The following GSE1 variants were observed in gnomAD, a reference collection of about 807,000 sequenced individuals.
GSE1 encodes Gse1 coiled-coil protein, also known as genetic suppressor element 1.
GSE1 carries 32 observed loss-of-function variants against 112.6 expected under a neutral mutation model. The ratio of observed to expected loss-of-function variants is 0.28; its 90% CI spans 0.21 to 0.38. The LOEUF is 0.38. Ranked by LOEUF, GSE1 falls within the 10% of genes least tolerant of loss-of-function variation. GSE1 has a pLI of 1.00. For synonymous variants in GSE1, 1,115 were observed against 735.6 expected, an observed-to-expected ratio of 1.52 and a Z score of -8.35; for missense variants, 2,348 against 1,699.2, an observed-to-expected ratio of 1.38 and a Z score of -6.71.
chr16:85,185,112 C>G (rs1368135741), intron 1 of GSE1: 2 of 152,232 alleles, frequency 1.3e-5, no homozygotes, highest in Non-Finnish European at 2.9e-5. Flanking sequence ...GTTGTTTTGT[C>G]TTTCAGATGA....
intron 2 of GSE1, among the ~76,000 whole-genome samples, chr16:85,496,327 G>A (rs1476890511): frequency 2.6e-5 from 4 of 152,094 alleles, no homozygotes; most frequent in Admixed American, 6.5e-5. Flanking sequence ...TTTATGCTGC[G>A]TGAGCGATGG....
chr16:85,546,551 T>C (rs1184684869), intron 2 of GSE1, among the ~76,000 whole-genome samples: 1 of 152,216 alleles, frequency 6.6e-6, no homozygotes, highest in Admixed American at 6.5e-5. Context: ...TGAGCATCAT[T>C]TGGGGAGTTG....
chr16:85,533,414 C>T (rs138091725), intron 2 of GSE1, among the ~76,000 whole-genome samples: 3 of 151,430 alleles, frequency 2.0e-5, no homozygotes, highest in East Asian at 3.9e-4. Context: ...AGCGAGACTC[C>T]GTTTCAAAAA....
At chr16:85,649,641 C>CG (rs1370705870) in intron 3 of GSE1, among the ~76,000 whole-genome samples, 2 of 152,150 alleles carry the variant, frequency 1.3e-5, no homozygotes, top group Admixed American at 6.5e-5. Context: ...CCCGGCCCCC[C>CG]ACCCCTGGCG....
chr16:85,484,001 G>A (rs534788700), intron 2 of GSE1, among the ~76,000 whole-genome samples: 21 of 152,334 alleles, frequency 1.4e-4, no homozygotes, highest in South Asian at 1.0e-3. Flanking sequence ...CGAGAGGTGC[G>A]TCCCTGTTTT....
intron 1 of GSE1, among the ~76,000 whole-genome samples, chr16:85,322,127 T>C (rs1309620841): frequency 6.6e-6 from 1 of 152,262 alleles, no homozygotes; most frequent in Non-Finnish European, 1.5e-5. Context: ...TGGGTGGACC[T>C]TCCAAGGCGC....
rs76438705 is a variant in GSE1 at position 85,175,834 on chromosome 16, C to G, written c.2283+4027C>G. Among the ~76,000 whole-genome samples the G allele has an allele frequency of 2.9e-3, 445 of 152,304 alleles. 3 individuals are homozygous for G. The highest frequency in any genetic ancestry group is 0.011 in the African/African-American group (440 of 41,556). On this transcript the variant is annotated intron_variant, in intron 1 of 2. Transcript: ENST00000637419. ...CGCCGCAGCCCGGTTTCAGGAGGTG[C>G]CACTGTTCCCTTTTCGTAAATAAGG...
intron 1 of GSE1, among the ~76,000 whole-genome samples, chr16:85,236,450 G>A (rs1904675525): frequency 6.6e-6 from 1 of 152,240 alleles, no homozygotes; most frequent in South Asian, 2.1e-4. Context: ...GTCCCACTGG[G>A]GGCATAGGAA....
intron 2 of GSE1, among the ~76,000 whole-genome samples, chr16:85,470,261 G>T (rs1041115376): frequency 1.3e-5 from 2 of 152,226 alleles, no homozygotes; most frequent in African/African-American, 4.8e-5. Flanking sequence ...GGCACCTGGG[G>T]CCAGCCAGCG....
chr16:85,554,847 G>A (rs896902458), upstream of GSE1: 2 of 984,252 alleles, frequency 2.0e-6, no homozygotes, highest in South Asian at 9.4e-5. Flanking sequence ...CAGCCGGAGG[G>A]GGGGCCAGCG....
chr16:85,279,303 G>C (rs1255056445), intron 1 of GSE1, among the ~76,000 whole-genome samples: 3 of 152,204 alleles, frequency 2.0e-5, no homozygotes, highest in African/African-American at 7.2e-5. Context: ...CCCGCTACAA[G>C]CTCATTTAAG....
At chr16:85,432,016 C>G (rs1252283623) in intron 2 of GSE1, among the ~76,000 whole-genome samples, 1 of 152,232 alleles carries the variant, frequency 6.6e-6, no homozygotes, top group Non-Finnish European at 1.5e-5. Context: ...TGGGCGAGTG[C>G]TGGGACGCAC....
chr16:85,663,178 C>T (rs1406313766), intron 10 of GSE1, 85 bp downstream of exon 10: 3 of 1,246,190 alleles, frequency 2.4e-6, no homozygotes, highest in East Asian at 2.3e-5. Flanking sequence ...CCCACTGTTG[C>T]TAGGTTCCTC....
At chr16:85,627,188 C>G (rs531790092) in intron 1 of GSE1, among the ~76,000 whole-genome samples, 2 of 144,792 alleles carry the variant, frequency 1.4e-5, no homozygotes, top group Admixed American at 1.4e-4. Context: ...GGGCCTCACC[C>G]GGGGGCGGTG....
intron 1 of GSE1, among the ~76,000 whole-genome samples, chr16:85,321,808 GA>G (rs963642970): frequency 2.7e-5 from 4 of 149,432 alleles, no homozygotes; most frequent in Admixed American, 6.7e-5. Flanking sequence ...AAAAAAAAAA[GA>G]AAAAAAAGTT....
intron 1 of GSE1, among the ~76,000 whole-genome samples, chr16:85,580,458 C>T (rs2046403001): frequency 6.6e-6 from 1 of 152,212 alleles, no homozygotes; most frequent in Non-Finnish European, 1.5e-5. Flanking sequence ...CCCCACTGAA[C>T]TGGGCTCCTT....
At chr16:85,537,797 C>T (rs2044381206) in intron 2 of GSE1, among the ~76,000 whole-genome samples, 1 of 107,814 alleles carries the variant, frequency 9.3e-6, no homozygotes, top group Non-Finnish European at 2.0e-5. Flanking sequence ...CAAATGGTAC[C>T]CTAAAGCCCC....
chr16:85,394,600 C>G (rs1277470266), intron 2 of GSE1, among the ~76,000 whole-genome samples: 1 of 152,234 alleles, frequency 6.6e-6, no homozygotes, highest in Non-Finnish European at 1.5e-5. Context: ...CACACACGCA[C>G]TCCTGTCTGC....
intron 1 of GSE1, among the ~76,000 whole-genome samples, chr16:85,569,485 A>G (rs1017278448): frequency 9.9e-5 from 15 of 152,130 alleles, no homozygotes; most frequent in African/African-American, 3.6e-4. Context: ...GTGGAGGATA[A>G]TTTTCCTGAG....
Sources: allele counts gnomAD v4.1 joint callset (sites outside exome capture counted in the v4.1 genomes callset), GRCh38; gene constraint gnomAD v4.1.1; transcripts MANE v1.5; gene names NCBI Gene and HGNC (gene_info 2026-07-23, HGNC 2026-07-21).